Variants in CCDC102A observed in about 807,000 individuals in gnomAD.
CCDC102A encodes the protein coiled-coil domain-containing protein 102A.
CCDC102A carries 40 observed loss-of-function variants against 55.5 expected under a neutral mutation model. The observed-to-expected ratio is 0.72, with a 90% confidence interval of 0.56 to 0.94. The LOEUF (loss-of-function observed/expected upper bound fraction) is 0.94. Among genes scored for constraint, CCDC102A ranks in the 40% least tolerant of loss-of-function variants. The probability of loss-of-function intolerance (pLI) is 0.00; values close to 1 mark genes in which losing one functional copy is unlikely to be tolerated. For missense variants in CCDC102A, 779 were observed against 768.6 expected (o/e 1.01, Z -0.16); for synonymous variants, 323 against 339.0 (o/e 0.95, Z 0.52).
chr16:57,524,596 TAG>T (rs141666031), intron 3 of CCDC102A, among the ~76,000 whole-genome samples: 43 of 148,754 alleles, frequency 2.9e-4, no homozygotes, highest in East Asian at 2.3e-3. Context: ...TATATATATA[TAG>T]AGAGAGAGAC....
At chr16:57,520,559 AACATAACATAACAT>A (rs2032027815) in intron 4 of CCDC102A, among the ~76,000 whole-genome samples, 1 of 132,016 alleles carries the variant, frequency 7.6e-6, no homozygotes, top group Admixed American at 7.3e-5. Context: ...AACATAACAT[AACATAACATAACAT>A]AACATAACAT....
At position 57,528,760 on chromosome 16, in the gene CCDC102A, G is replaced by A. The variant is rs192319254; in HGVS notation, c.418C>T (p.Arg140Trp). The change falls in exon 2 of 9, where the codon CGG becomes TGG. Residue 140 changes from arginine (R) to tryptophan (W), a missense_variant. Transcript: ENST00000258214. The stretch of plus-strand genomic sequence containing the variant: ...CCCTGCGCCTCTTGGCGCTCGCGCC[G>A]TGCGCCCGCCAGCTCCTTGGTGAGC... ...DALTKELAGA[R>W]RERQEAQGEC... 12 of 1,180,302 alleles carry A rather than the reference G, an allele frequency of 1.0e-5. No individual in the cohort carries two copies. The highest frequency in any genetic ancestry group is 1.3e-5 in the Non-Finnish European group (12 of 947,272). 73.1% of individuals were successfully genotyped at this position (1,180,302 alleles called of 1,614,324 possible). A position where few individuals can be genotyped will look rare whatever the true frequency, so the allele number is the denominator to read the frequency against.
At chr16:57,535,720 T>A (rs1351012394) in intron 1 of CCDC102A, among the ~76,000 whole-genome samples, 1 of 149,408 alleles carries the variant, frequency 6.7e-6, no homozygotes, top group African/African-American at 2.5e-5. Context: ...ATCACTGATA[T>A]GCTGTGTGAT....
chr16:57,516,270 C>T lies in CCDC102A; in HGVS notation c.1419+23G>A. 3 of 1,598,392 alleles carry T rather than the reference C, an allele frequency of 1.9e-6. No individual in the cohort carries two copies. Among genetic ancestry groups the T allele is most frequent in the Non-Finnish European group, 2.5e-6 (3 of 1,177,514 alleles). ...CTCCCTGGCCAAGGTCTGTTGCTGC[C>T]CCTGCCCCTCTGTGGTCCTCACCTC... is the stretch of plus-strand genomic sequence containing the variant. On this transcript the variant is annotated intron_variant, in intron 7 of 8. Transcript: ENST00000258214. This position sits in a 1 kb window ranked among gnomAD's most constrained non-coding sequence, Gnocchi z 4.4.
At position 57,521,103 on chromosome 16, in the gene CCDC102A, C is replaced by A; in HGVS notation, c.886G>T (p.Glu296Ter). ...ELSQWKIKYE[E>*]LSKTKQEMLK... ...ATCTCCTGCTTGGTCTTGCTCAGCTCCTCATACTTGATCTTCCACTGGCTG... is the reference window on the plus strand; with the variant it reads ...ATCTCCTGCTTGGTCTTGCTCAGCTACTCATACTTGATCTTCCACTGGCTG... The change falls in exon 4 of 9, where the codon GAG becomes TAG. Residue 296 changes from glutamate to a stop codon, truncating the protein, a stop_gained. Transcript: ENST00000258214. LOFTEE classifies it high-confidence loss of function. 1 of 1,613,720 alleles carries A rather than the reference C, an allele frequency of 6.2e-7. No homozygotes were observed. The highest frequency in any genetic ancestry group is 8.5e-7 in the Non-Finnish European group (1 of 1,179,988).
intron 3 of CCDC102A, 43 bp downstream of exon 3, chr16:57,525,858 G>A (rs764322757): frequency 4.5e-6 from 7 of 1,565,454 alleles, no homozygotes; most frequent in South Asian, 3.4e-5. Flanking sequence ...GTTGTAGCAC[G>A]GCCTGGCCCT....
chr16:57,515,584 A>G lies in CCDC102A; in HGVS notation c.1420-140T>C, dbSNP rs575052320. ...TGTTTGCTCCTTGAGGCCTAGGCTA[A>G]GGCTTACCTCTTCTAGAAAAGCATC... On this transcript the variant is annotated intron_variant, in intron 7 of 8. Transcript: ENST00000258214. 2.1e-4 allele frequency: 139 copies of G among 657,366 alleles called. No individual in the cohort carries two copies. The South Asian group carries it at 2.2e-3, about 10-fold the overall frequency. 40.7% of individuals were successfully genotyped at this position (657,366 alleles called of 1,614,324 possible).
chr16:57,529,081 C>G lies in CCDC102A; in HGVS notation c.97G>C (p.Gly33Arg), dbSNP rs1242186438. Residue 33 changes from glycine to arginine, a missense_variant, in exon 2 of 9, where the codon GGG (glycine) becomes CGG (arginine). By Grantham distance (125) the Gly-to-Arg change is moderately radical (BLOSUM62 -2). Transcript: ENST00000258214. The surrounding 1 kb of genome is among the most constrained non-coding windows in gnomAD (Gnocchi z 4.1). ...ILGSPSPERM[G>R]PADSLPPTPP... ...GTGGGCGGCAAGGAGTCGGCAGGCC[C>G]CATGCGCTCCGGCGACGGGCTGCCC... is the stretch of plus-strand genomic sequence containing the variant. 8.6e-7 allele frequency: 1 copy of G among 1,166,842 alleles called. No individual in the cohort carries two copies. Among genetic ancestry groups the G allele is most frequent in the African/African-American group, 1.6e-5 (1 of 61,152 alleles). 72.3% of individuals were successfully genotyped at this position (1,166,842 alleles called of 1,614,324 possible).
chr16:57,512,530 G>GCGCGCA lies in CCDC102A; in HGVS notation c.*210_*211insTGCGCG, dbSNP rs60155416. On this transcript the variant is annotated 3_prime_UTR_variant, in exon 9 of 9. Coordinates refer to ENST00000258214, the MANE Select transcript of CCDC102A (RefSeq NM_033212.4). The stretch of plus-strand genomic sequence containing the variant: ...TCTGGGTGTGCGCGCGCGCGCGCGC[G>GCGCGCA]TGTGTGTATATATATATATAAAACA... The GCGCGCA allele has an allele frequency of 2.0e-6, 1 of 488,092 alleles. No individual in the cohort carries two copies. Among genetic ancestry groups the GCGCGCA allele is most frequent in the African/African-American group, 2.3e-5 (1 of 43,996 alleles). The allele number at this position is 488,092 out of a possible 1,614,324, so 30.2% of individuals were successfully genotyped here.
intron 2 of CCDC102A, among the ~76,000 whole-genome samples, chr16:57,528,357 G>T (rs2032178709): frequency 6.6e-6 from 1 of 152,210 alleles, no homozygotes; most frequent in African/African-American, 2.4e-5. Flanking sequence ...TGATTCCTTG[G>T]TTCTGTTGAC....
chr16:57,531,054 G>A (rs1403171946), intron 1 of CCDC102A, among the ~76,000 whole-genome samples: 1 of 151,400 alleles, frequency 6.6e-6, no homozygotes, highest in Admixed American at 6.6e-5. Flanking sequence ...GGCTGTCATC[G>A]GGCCCTGGGC....
At chr16:57,530,070 C>G (rs1170997249) in intron 1 of CCDC102A, among the ~76,000 whole-genome samples, 6 of 152,186 alleles carry the variant, frequency 3.9e-5, no homozygotes, top group Non-Finnish European at 8.8e-5. Flanking sequence ...TAAGGATTTG[C>G]TGAATGAACG....
Position 57,525,957 on chromosome 16 carries a change from C to G in CCDC102A, c.756G>C (p.Leu252Phe), listed in dbSNP as rs1251016682. ...TAATEEEASK[L>F]TALRLRLDES... Reference sequence around the variant, plus strand: ...CATCCAGCCGTAGCCGCAGGGCGGTCAACTTGGAGGCCTCCTCCTCCGTGG... The same window carrying G: ...CATCCAGCCGTAGCCGCAGGGCGGTGAACTTGGAGGCCTCCTCCTCCGTGG... The change falls in exon 3 of 9, where the codon TTG becomes TTC. Residue 252 changes from leucine (L) to phenylalanine (F), a missense_variant. By Grantham distance (22) the Leu-to-Phe change is conservative. Coordinates refer to ENST00000258214, the MANE Select transcript of CCDC102A (RefSeq NM_033212.4). 6.2e-7 allele frequency: 1 copy of G among 1,612,356 alleles called. No individual in the cohort carries two copies. The highest frequency in any genetic ancestry group is 8.5e-7 in the Non-Finnish European group (1 of 1,179,396).
chr16:57,512,826 C>A lies in CCDC102A; in HGVS notation c.1568G>T (p.Arg523Leu), dbSNP rs770371158. The change falls in exon 9 of 9, where the codon CGC becomes CTC. Residue 523 changes from arginine to leucine, a missense_variant. Arg to Leu is a moderately radical substitution (Grantham distance 102). Coordinates refer to ENST00000258214, the MANE Select transcript of CCDC102A (RefSeq NM_033212.4). Reference protein sequence around the residue: ...QQNAPLFGKIRSARFGTEEAE... With the variant: ...QQNAPLFGKILSARFGTEEAE... ...CTCCTCGGTGCCAAAGCGAGCACTG[C>A]GGATCTTCCCGAAGAGGGGAGCGTT... 3 of 1,613,954 alleles carry A rather than the reference C, an allele frequency of 1.9e-6. No homozygotes were observed. Among genetic ancestry groups the A allele is most frequent in the South Asian group, 2.2e-5 (2 of 91,054 alleles).
At position 57,521,245 on chromosome 16, in the gene CCDC102A, C is replaced by T. The variant is rs1478754885; in HGVS notation, c.813-69G>A. On this transcript the variant is annotated intron_variant, in intron 3 of 8. Transcript: ENST00000258214. Reference sequence around the variant, plus strand: ...TGCTTGGAGTCCTCACCAAGGGTGGCCCTGCTGTGTGCCCTCTGCACTTGT... The same window carrying T: ...TGCTTGGAGTCCTCACCAAGGGTGGTCCTGCTGTGTGCCCTCTGCACTTGT... 4 of 1,224,502 alleles carry T rather than the reference C, an allele frequency of 3.3e-6. No homozygotes were observed. In the African/African-American group the frequency reaches 5.9e-5, roughly 18 times the overall value. The allele number at this position is 1,224,502 out of a possible 1,614,324, so 75.9% of individuals were successfully genotyped here.
In CCDC102A at chr16:57,528,593, C is replaced by G; in HGVS notation, c.585G>C (p.Gln195His). Residue 195 changes from glutamine (Q) to histidine (H), a missense_variant and splice_region_variant, in exon 2 of 9, where the codon CAG (glutamine) becomes CAC (histidine). By Grantham distance (24) the Gln-to-His change is conservative. Transcript: ENST00000258214. ...DVGSERPPGS[Q>H]ELELVESLLK... Reference sequence around the variant, plus strand: ...CGAACGCCCCGCCCGCGCCGCGCACCTGGCTGCCTGGCGGCCTCTCGGACC... The same window carrying G: ...CGAACGCCCCGCCCGCGCCGCGCACGTGGCTGCCTGGCGGCCTCTCGGACC... 1.6e-6 allele frequency: 2 copies of G among 1,257,630 alleles called. No individual in the cohort carries two copies. The highest frequency in any genetic ancestry group is 2.0e-6 in the Non-Finnish European group (2 of 994,060). The allele number at this position is 1,257,630 out of a possible 1,614,324, so 77.9% of individuals were successfully genotyped here. A position where few individuals can be genotyped will look rare whatever the true frequency, so the allele number is the denominator to read the frequency against.
chr16:57,512,234 G>A lies in CCDC102A; in HGVS notation c.*507C>T, dbSNP rs9922763. The A allele has an allele frequency of 0.21, 83,766 of 393,700 alleles. 9,906 individuals carry two copies. Among genetic ancestry groups the A allele is most frequent in the African/African-American group, 0.33 (16,086 of 48,466 alleles). 24.4% of individuals were successfully genotyped at this position (393,700 alleles called of 1,614,324 possible). A position where few individuals can be genotyped will look rare whatever the true frequency, so the allele number is the denominator to read the frequency against. ...TGACATTCCTGAGCTCTGGTTCAGC[G>A]TCAGGTGCAGGCCGATGCCGTCCCC... On this transcript the variant is annotated 3_prime_UTR_variant, in exon 9 of 9. Coordinates refer to ENST00000258214, the MANE Select transcript of CCDC102A (RefSeq NM_033212.4).
In CCDC102A at chr16:57,529,075, C is replaced by G; in HGVS notation, c.103G>C (p.Ala35Pro). 1.7e-6 allele frequency: 2 copies of G among 1,161,940 alleles called. No individual in the cohort carries two copies. The highest frequency in any genetic ancestry group is 2.1e-6 in the Non-Finnish European group (2 of 943,124). The allele number at this position is 1,161,940 out of a possible 1,614,324, so 72.0% of individuals were successfully genotyped here. A position where few individuals can be genotyped will look rare whatever the true frequency, so the allele number is the denominator to read the frequency against. Residue 35 changes from alanine to proline, a missense_variant, in exon 2 of 9, where the codon GCC becomes CCC. Physicochemically the swap from Ala to Pro is conservative, Grantham distance 27. Transcript: ENST00000258214. This position sits in a 1 kb window ranked among gnomAD's most constrained non-coding sequence, Gnocchi z 4.1. ...GGCGGCGTGGGCGGCAAGGAGTCGG[C>G]AGGCCCCATGCGCTCCGGCGACGGG... ...GSPSPERMGP[A>P]DSLPPTPPSG...
intron 1 of CCDC102A, among the ~76,000 whole-genome samples, chr16:57,530,636 C>T (rs1335861866): frequency 6.6e-6 from 1 of 152,168 alleles, no homozygotes; most frequent in African/African-American, 2.4e-5. Flanking sequence ...AGCCCCACGG[C>T]CCCCTCCTCT....
Sources: allele counts gnomAD v4.1 joint callset (sites outside exome capture counted in the v4.1 genomes callset), GRCh38; gene constraint gnomAD v4.1.1; non-coding constraint Gnocchi (gnomAD v3.1); transcripts MANE v1.5; gene names NCBI Gene and HGNC (gene_info 2026-07-23, HGNC 2026-07-21).